Variants in FARP1 observed in about 807,000 individuals in gnomAD.
FARP1 encodes FERM, ARHGEF and pleckstrin domain-containing protein 1.
A neutral mutation model predicts 128.8 loss-of-function variants in FARP1; 52 were observed. That is an observed-to-expected ratio of 0.40 (90% CI 0.32 to 0.51). FARP1 has a LOEUF of 0.51. Among genes scored for constraint, FARP1 ranks in the 20% least tolerant of loss-of-function variants. The pLI, the probability that FARP1 is intolerant of heterozygous loss-of-function variation, is 0.45. For synonymous variants in FARP1, 580 were observed against 551.8 expected (o/e 1.05, Z -0.72); for missense variants, 1,333 against 1,367.9 (o/e 0.97, Z 0.40).
intron 1 of FARP1, among the ~76,000 whole-genome samples, chr13:98,195,642 C>A (rs540747487): frequency 6.6e-6 from 1 of 152,062 alleles, no homozygotes; most frequent in Non-Finnish European, 1.5e-5. Context: ...TTCTCTGATC[C>A]GCTGTGTCAG....
chr13:98,225,726 G>C (rs1000072840), intron 2 of FARP1, among the ~76,000 whole-genome samples: 1 of 152,196 alleles, frequency 6.6e-6, no homozygotes, highest in African/African-American at 2.4e-5. Flanking sequence ...CTGCCAACCG[G>C]GCTGTTAGAG....
At chr13:98,329,800 A>G (rs1887409645) in intron 2 of FARP1, 1 of 152,196 alleles carries the variant, frequency 6.6e-6, no homozygotes, top group South Asian at 2.1e-4. Flanking sequence ...GCAAATCTTT[A>G]TGAGCATCTA....
chr13:98,235,853 C>T lies in FARP1; in HGVS notation c.171+22440C>T, dbSNP rs370195665. On this transcript the variant is annotated intron_variant, in intron 2 of 26. Transcript: ENST00000319562. ...TTTTTTTTTCCCTGAGACAGAGTTT[C>T]GCTCTTGTTGCCCAGGCTGGAATGT... 4.4e-5 allele frequency among the ~76,000 whole-genome samples: 6 copies of T among 134,966 alleles called. 1 individual carries two copies. The highest frequency in any genetic ancestry group is 4.6e-4 in the South Asian group (2 of 4,344). The allele number at this position is 134,966 out of a possible 152,430, so 88.5% of individuals were successfully genotyped here. A position where few individuals can be genotyped will look rare whatever the true frequency, so the allele number is the denominator to read the frequency against.
chr13:98,313,109 T>TAC (rs10565192), intron 2 of FARP1, among the ~76,000 whole-genome samples: 20,931 of 138,204 alleles, frequency 0.15, 1,872 homozygotes, highest in East Asian at 0.31. Flanking sequence ...TGGGTCATAA[T>TAC]ACACACACAC....
chr13:98,277,144 A>ACACACACACACACACACC (rs1884694790), intron 2 of FARP1, among the ~76,000 whole-genome samples: 2 of 140,312 alleles, frequency 1.4e-5, no homozygotes, highest in African/African-American at 2.7e-5. Context: ...ACACACACAC[A>ACACACACACACACACACC]CACACCCCAT....
At chr13:98,314,062 C>T (rs1464192480) in intron 2 of FARP1, among the ~76,000 whole-genome samples, 3 of 152,208 alleles carry the variant, frequency 2.0e-5, no homozygotes, top group East Asian at 1.9e-4. Context: ...CAAGCTCAGG[C>T]ATGTAGGGAG....
chr13:98,167,349 T>C (rs13378573), intron 1 of FARP1, among the ~76,000 whole-genome samples: 1 of 151,958 alleles, frequency 6.6e-6, no homozygotes, highest in Non-Finnish European at 1.5e-5. Flanking sequence ...TTTTCCCTTA[T>C]GGCATGTAGC....
chr13:98,235,854 G>C (rs1335716158), intron 2 of FARP1, among the ~76,000 whole-genome samples: 1 of 134,364 alleles, frequency 7.4e-6, no homozygotes, highest in Admixed American at 8.1e-5. Flanking sequence ...ACAGAGTTTC[G>C]CTCTTGTTGC....
At chr13:98,319,223 C>A (rs1348825662) in intron 2 of FARP1, among the ~76,000 whole-genome samples, 1 of 152,066 alleles carries the variant, frequency 6.6e-6, no homozygotes, top group Non-Finnish European at 1.5e-5. Context: ...CTGGGACTCT[C>A]AAAATGTTGG....
intron 1 of FARP1, among the ~76,000 whole-genome samples, chr13:98,174,371 AG>A (rs1877848587): frequency 6.6e-6 from 1 of 152,218 alleles, no homozygotes; most frequent in African/African-American, 2.4e-5. Context: ...ACATACATGA[AG>A]CATTGTAAAG....
At chr13:98,311,900 G>C (rs994134095) in intron 2 of FARP1, among the ~76,000 whole-genome samples, 4 of 150,698 alleles carry the variant, frequency 2.7e-5, no homozygotes, top group African/African-American at 9.7e-5. Flanking sequence ...CTGGAGTATA[G>C]TGGCACGATC....
At chr13:98,277,678 G>A (rs142925174) in intron 2 of FARP1, among the ~76,000 whole-genome samples, 21 of 152,280 alleles carry the variant, frequency 1.4e-4, no homozygotes, top group South Asian at 8.3e-4. Flanking sequence ...AGAGTCAGCC[G>A]AGTGAGTCTC....
In FARP1 at chr13:98,309,153, C is replaced by CTTTT. The variant is rs56030081; in HGVS notation, c.172-34582_172-34579dup. The stretch of plus-strand genomic sequence containing the variant: ...TATATTAATATTAATTTTAAGAGGC[C>CTTTT]TTTTTTTTTTTTTTTTTTTTTTTTT... On this transcript the variant is annotated intron_variant, in intron 2 of 26. Transcript: ENST00000319562. 5.7e-4 allele frequency among the ~76,000 whole-genome samples: 51 copies of CTTTT among 89,680 alleles called. 7 individuals are homozygous for CTTTT. Among genetic ancestry groups the CTTTT allele is most frequent in the South Asian group, 2.3e-3 (5 of 2,180 alleles). 58.8% of individuals were successfully genotyped at this position (89,680 alleles called of 152,430 possible).
intron 17 of FARP1, among the ~76,000 whole-genome samples, chr13:98,425,891 A>G (rs560168409): frequency 1.3e-5 from 2 of 152,154 alleles, no homozygotes; most frequent in Non-Finnish European, 2.9e-5. Flanking sequence ...GTTTTAATTC[A>G]CACAGCGTCT....
chr13:98,221,695 G>A (rs1401599349), intron 2 of FARP1, among the ~76,000 whole-genome samples: 2 of 152,068 alleles, frequency 1.3e-5, no homozygotes, highest in Non-Finnish European at 2.9e-5. Context: ...TATTTTCTTA[G>A]CTTCAAAACT....
chr13:98,439,770 C>T (rs1054481374), intron 21 of FARP1, among the ~76,000 whole-genome samples, 191 bp from the exon 22 acceptor site: 10 of 152,116 alleles, frequency 6.6e-5, no homozygotes, highest in Non-Finnish European at 2.9e-5. Flanking sequence ...TTCAGTGTGC[C>T]GCGATCTTCC....
In FARP1 at chr13:98,245,327, A is replaced by G. The variant is rs946945704; in HGVS notation, c.171+31914A>G. ...TAATACATGTTTGTCTTACCAGCTT[A>G]TTGATAAGCACTTTGTGGGATGTTT... On this transcript the variant is annotated intron_variant, in intron 2 of 26. Coordinates refer to ENST00000319562, the MANE Select transcript of FARP1 (RefSeq NM_005766.4). 5 of 985,426 alleles carry G rather than the reference A, an allele frequency of 5.1e-6. No individual in the cohort carries two copies. In the African/African-American group the frequency reaches 7.0e-5, roughly 14 times the overall value. 61.0% of individuals were successfully genotyped at this position (985,426 alleles called of 1,614,324 possible).
intron 1 of FARP1, among the ~76,000 whole-genome samples, chr13:98,202,036 G>A (rs1469945284): frequency 6.6e-6 from 1 of 152,214 alleles, no homozygotes; most frequent in African/African-American, 2.4e-5. Flanking sequence ...CATCCACACA[G>A]ATAGCTGTTT....
At chr13:98,285,088 T>C (rs1179047155) in intron 2 of FARP1, among the ~76,000 whole-genome samples, 1 of 152,160 alleles carries the variant, frequency 6.6e-6, no homozygotes, top group Non-Finnish European at 1.5e-5. Flanking sequence ...ATTCAGTAGC[T>C]AAAAGGTAAT....
Sources: allele counts gnomAD v4.1 joint callset (sites outside exome capture counted in the v4.1 genomes callset), GRCh38; gene constraint gnomAD v4.1.1; transcripts MANE v1.5; gene names NCBI Gene and HGNC (gene_info 2026-07-23, HGNC 2026-07-21).